SERPINB8: variants seen among roughly 807,000 people sequenced by gnomAD.
SERPINB8 encodes serpin B8.
A neutral mutation model predicts 35.3 loss-of-function variants in SERPINB8; 25 were observed. The observed-to-expected ratio is 0.71, with a 90% confidence interval of 0.52 to 0.99. The LOEUF is 0.99. SERPINB8 is among the 50% of genes least tolerant of loss of function. SERPINB8 has a pLI of 0.00. For missense variants in SERPINB8, 484 were observed against 446.5 expected, an observed-to-expected ratio of 1.08 and a Z score of -0.76; for synonymous variants, 186 against 160.8, an observed-to-expected ratio of 1.16 and a Z score of -1.19.
chr18:63,990,526 T>G (rs2050819411), downstream of SERPINB8, among the ~76,000 whole-genome samples: 1 of 152,202 alleles, frequency 6.6e-6, no homozygotes. Context: ...ACTTTATTTT[T>G]TTACTATACT....
intron 3 of SERPINB8, 58 bp downstream of exon 3, chr18:63,979,996 G>A (rs1249753671): frequency 1.3e-6 from 2 of 1,547,126 alleles, no homozygotes; most frequent in East Asian, 4.5e-5. Flanking sequence ...GACTACAGAA[G>A]AGCAGATAAT....
Position 63,979,810 on chromosome 18 carries a change from T to C in SERPINB8, c.178T>C (p.Leu60=). Residue 60 remains leucine (L), a synonymous_variant, in exon 3 of 7, where the codon TTA becomes CTA. Transcript: ENST00000397985. ...TGGTTTCTGTTCCCAGGCACTTTGT[T>C]TATACAAAGACGGAGATATTCACCG... ...TAAQMSQALC[L]YKDGDIHRGF... is the part of the protein sequence containing the mutation. 1.2e-6 allele frequency: 2 copies of C among 1,614,116 alleles called. No homozygotes were observed. Among genetic ancestry groups the C allele is most frequent in the Non-Finnish European group, 1.7e-6 (2 of 1,179,976 alleles).
chr18:63,981,852 A>G lies in SERPINB8; in HGVS notation c.424+14A>G, dbSNP rs370637939. The G allele has an allele frequency of 6.8e-5, 106 of 1,547,946 alleles. No homozygotes were observed. In the African/African-American group the frequency reaches 1.0e-3, roughly 15 times the overall value. ...AGAAGACTGAAGGTGAGACAGTTTC[A>G]TTTCTGTTGATTTGGAATTACTATA... On this transcript the variant is annotated intron_variant, in intron 4 of 6. Coordinates refer to ENST00000397985, the MANE Select transcript of SERPINB8 (RefSeq NM_002640.4).
chr18:63,981,043 C>G (rs561697285), intron 3 of SERPINB8, among the ~76,000 whole-genome samples: 47 of 152,352 alleles, frequency 3.1e-4, no homozygotes, highest in African/African-American at 9.6e-4. Context: ...CACACACACA[C>G]AAACATGCAT....
At chr18:64,005,631 A>G (rs1311505925) in exon 2 of SERPINB8, 1 of 152,212 alleles carries the variant, frequency 6.6e-6, no homozygotes, top group Non-Finnish European at 1.5e-5. Flanking sequence ...AGCCTCTAAA[A>G]TTGTACGAAA....
At chr18:64,007,840 A>G (rs2050907537), downstream of SERPINB8, among the ~76,000 whole-genome samples, 1 of 152,194 alleles carries the variant, frequency 6.6e-6, no homozygotes, top group Non-Finnish European at 1.5e-5. Context: ...ACTGGGGATT[A>G]CAAGTTGACA....
chr18:64,011,691 G>A (rs935325203), intron 7 of SERPINB8, among the ~76,000 whole-genome samples: 1 of 152,086 alleles, frequency 6.6e-6, no homozygotes, highest in Non-Finnish European at 1.5e-5. Context: ...AAAATTTATT[G>A]TGAATGCTGA....
intron 5 of SERPINB8, 40 bp from the exon 6 acceptor site, chr18:63,985,053 T>C: frequency 2.5e-6 from 4 of 1,606,730 alleles, no homozygotes; most frequent in Non-Finnish European, 3.4e-6. Context: ...TAGTAAATTA[T>C]ACCCACTTTT....
chr18:64,002,543 G>C (rs1156811512), intron 1 of SERPINB8, among the ~76,000 whole-genome samples: 1 of 152,198 alleles, frequency 6.6e-6, no homozygotes, highest in Non-Finnish European at 1.5e-5. Flanking sequence ...TCGGCCTCCA[G>C]TTAATTTCAA....
At chr18:63,972,935 G>A (rs1388733836) in intron 1 of SERPINB8, among the ~76,000 whole-genome samples, 21 of 152,172 alleles carry the variant, frequency 1.4e-4, no homozygotes, top group East Asian at 5.8e-4. Context: ...ATTGTGAATA[G>A]TGCCGCAATA....
Position 63,970,139 on chromosome 18 carries a change from G to GGCGGCGGCGGCGGCGGCGGCGGCA in SERPINB8, c.-31_-30insGGCGGCGGCGGCAGCGGCGGCGGC, listed in dbSNP as rs757667727. ...GAATAGTCAAAGCAGCAGCGGCGGC[G>GGCGGCGGCGGCGGCGGCGGCGGCA]GCGGCGGCGGCAGCAGCAGCAGCAG... On this transcript the variant is annotated 5_prime_UTR_variant, in exon 1 of 7. Coordinates refer to ENST00000397985, the MANE Select transcript of SERPINB8 (RefSeq NM_002640.4). The GGCGGCGGCGGCGGCGGCGGCGGCA allele has an allele frequency of 2.7e-6, 1 of 365,924 alleles. No homozygotes were observed. The highest frequency in any genetic ancestry group is 5.4e-6 in the Non-Finnish European group (1 of 185,670). 22.7% of individuals were successfully genotyped at this position (365,924 alleles called of 1,614,324 possible).
At chr18:64,012,925 G>T (rs930276286) in intron 7 of SERPINB8, among the ~76,000 whole-genome samples, 1 of 152,098 alleles carries the variant, frequency 6.6e-6, no homozygotes, top group African/African-American at 2.4e-5. Context: ...AAAGAAGCCC[G>T]GAGGGGTGGC....
At chr18:63,996,139 G>A (rs1443526611) in intron 1 of SERPINB8, among the ~76,000 whole-genome samples, 1 of 152,136 alleles carries the variant, frequency 6.6e-6, no homozygotes, top group African/African-American at 2.4e-5. Context: ...ATTTTCTTGA[G>A]TTTTAAGACT....
intron 5 of SERPINB8, among the ~76,000 whole-genome samples, chr18:63,984,280 G>A (rs2050717182): frequency 6.6e-6 from 1 of 152,220 alleles, no homozygotes; most frequent in Non-Finnish European, 1.5e-5. Flanking sequence ...CTGGTCATAT[G>A]ATTTGGATTG....
chr18:64,007,325 C>A (rs899351478), downstream of SERPINB8, among the ~76,000 whole-genome samples: 13 of 151,940 alleles, frequency 8.6e-5, no homozygotes, highest in African/African-American at 2.4e-4. Context: ...AAAATTAAAT[C>A]AAAAATTTAA....
Position 63,979,947 on chromosome 18 carries a change from T to C in SERPINB8, c.306+9T>C, listed in dbSNP as rs1239158725. On this transcript the variant is annotated intron_variant, in intron 3 of 6. Coordinates refer to ENST00000397985, the MANE Select transcript of SERPINB8 (RefSeq NM_002640.4). ...CGTGTGATTTCCTTCCAGTAAGTAG[T>C]ATTCACATATTGATGACAAAGAAAT... The C allele has an allele frequency of 1.9e-6, 3 of 1,613,416 alleles. No individual in the cohort carries two copies. The highest frequency in any genetic ancestry group is 1.7e-5 in the Admixed American group (1 of 59,992).
chr18:63,983,308 C>G (rs1406130444), intron 4 of SERPINB8, among the ~76,000 whole-genome samples: 1 of 152,202 alleles, frequency 6.6e-6, no homozygotes, highest in Non-Finnish European at 1.5e-5. Flanking sequence ...CAGCAAAAGT[C>G]TGGCAAATGC....
intron 1 of SERPINB8, among the ~76,000 whole-genome samples, chr18:64,004,523 C>A (rs1568285065): frequency 6.6e-6 from 1 of 151,902 alleles, no homozygotes; most frequent in South Asian, 2.1e-4. Flanking sequence ...TTGGCATATA[C>A]CTATTTATAA....
intron 6 of SERPINB8, 125 bp from the exon 7 acceptor site, chr18:63,986,749 G>A: frequency 1.4e-6 from 2 of 1,396,242 alleles, no homozygotes; most frequent in Non-Finnish European, 1.9e-6. Flanking sequence ...GAAAATATCT[G>A]TAGATTTTCT....
Sources: allele counts gnomAD v4.1 joint callset (sites outside exome capture counted in the v4.1 genomes callset), GRCh38; gene constraint gnomAD v4.1.1; transcripts MANE v1.5; gene names NCBI Gene and HGNC (gene_info 2026-07-23, HGNC 2026-07-21).